The following PTK6 variants were observed in gnomAD, a reference collection of about 807,000 sequenced individuals.
PTK6 encodes the protein protein-tyrosine kinase 6.
Under a neutral mutation model 47.5 loss-of-function variants are expected in PTK6, and 47 were observed. The ratio of observed to expected loss-of-function variants is 0.99; its 90% CI spans 0.78 to 1.26. The LOEUF (loss-of-function observed/expected upper bound fraction) is 1.26. Ranked by LOEUF, PTK6 falls within the 50% of genes most tolerant of loss-of-function variation. PTK6 has a pLI of 0.00. For synonymous variants in PTK6, 287 were observed against 276.5 expected (o/e 1.04, Z -0.38); for missense variants, 618 against 625.3 (o/e 0.99, Z 0.12).
rs2082640327 is a variant in PTK6, at chr20:63,533,364, C to T, written c.670+187G>A. Among the ~76,000 whole-genome samples, 1 of 152,156 alleles carries T rather than the reference C, an allele frequency of 6.6e-6. No homozygotes were observed. The highest frequency in any genetic ancestry group is 2.1e-4 in the South Asian group (1 of 4,830). On this transcript the variant is annotated intron_variant, in intron 4 of 7. Transcript: ENST00000542869. This position sits in a 1 kb window ranked among gnomAD's most constrained non-coding sequence, Gnocchi z 4.0. ...TACAGATGTGAGCCACCGTGCCCGG[C>T]CTAAAATTTTCTTTTATAATAAATG...
At chr20:63,536,304 G>A (rs1307848732) in intron 1 of PTK6, among the ~76,000 whole-genome samples, 1 of 144,684 alleles carries the variant, frequency 6.9e-6, no homozygotes, top group African/African-American at 2.6e-5. Context: ...CACTAACGAG[G>A]TCGTGGGTCT....
In PTK6 at chr20:63,534,270, G is replaced by T; in HGVS notation, c.398C>A (p.Ala133Asp). 6.2e-7 allele frequency: 1 copy of T among 1,608,554 alleles called. No homozygotes were observed. The highest frequency in any genetic ancestry group is 8.5e-7 in the Non-Finnish European group (1 of 1,178,612). ...CTCGTTCAGGTGCAGCCGGCCCCCGGCACGCCGCCAGATCTTGTAGTGCCG... is the reference window on the plus strand; with the variant it reads ...CTCGTTCAGGTGCAGCCGGCCCCCGTCACGCCGCCAGATCTTGTAGTGCCG... Reference protein sequence around the residue: ...AVRHYKIWRRAGGRLHLNEAV... With the variant: ...AVRHYKIWRRDGGRLHLNEAV... The change falls in exon 3 of 8, where the codon GCC becomes GAC. Residue 133 changes from alanine to aspartate, a missense_variant. Physicochemically the swap from Ala to Asp is moderately radical, Grantham distance 126. Transcript: ENST00000542869.
intron 1 of PTK6, among the ~76,000 whole-genome samples, 168 bp downstream of exon 1, chr20:63,536,917 G>T (rs1299457149): frequency 6.6e-6 from 1 of 152,252 alleles, no homozygotes; most frequent in Non-Finnish European, 1.5e-5. Flanking sequence ...AGCGCATGGG[G>T]CCTGCAGGGA....
intron 5 of PTK6, among the ~76,000 whole-genome samples, chr20:63,531,687 A>G (rs1458426776): frequency 6.6e-6 from 1 of 151,386 alleles, no homozygotes; most frequent in Non-Finnish European, 1.5e-5. Flanking sequence ...GAAGTTTGTG[A>G]TGACGCGGGA....
In PTK6 at chr20:63,532,534, A is replaced by T; in HGVS notation, c.824T>A (p.Leu275Gln). The T allele has an allele frequency of 6.2e-7, 1 of 1,610,892 alleles. No homozygotes were observed. The highest frequency in any genetic ancestry group is 8.5e-7 in the Non-Finnish European group (1 of 1,177,834). The change falls in exon 5 of 8, where the codon CTG becomes CAG. Residue 275 changes from leucine (L) to glutamine (Q), a missense_variant. Physicochemically the swap from Leu to Gln is moderately radical, Grantham distance 113. Transcript: ENST00000542869. ...ELMAKGSLLE[L>Q]LRDSDEKVLP... Reference sequence around the variant, plus strand: ...CGGCCCATGCCACTCACCGCGGAGCAGCTCCAGCAGGCTGCCCTTGGCCAT... The same window carrying T: ...CGGCCCATGCCACTCACCGCGGAGCTGCTCCAGCAGGCTGCCCTTGGCCAT...
At chr20:63,535,129 C>A in intron 1 of PTK6, 70 bp from the exon 2 acceptor site, 1 of 1,495,856 alleles carries the variant, frequency 6.7e-7, no homozygotes, top group South Asian at 1.3e-5. Context: ...TGGCCCCAGC[C>A]TGCCCGCCTG....
In PTK6 at chr20:63,528,036, C is replaced by T. The variant is rs2082588640; in HGVS notation, c.*1500G>A. 1 of 152,230 alleles carries T rather than the reference C, an allele frequency of 6.6e-6. No individual in the cohort carries two copies. Among genetic ancestry groups the T allele is most frequent in the South Asian group, 2.1e-4 (1 of 4,830 alleles). The allele number at this position is 152,230 out of a possible 1,614,324, so 9.4% of individuals were successfully genotyped here. ...ATGAGAGTTTATTATATTCGTGACA[C>T]GGTTGGCAAGGAAACTTGGTTATTT... On this transcript the variant is annotated 3_prime_UTR_variant, in exon 8 of 8. Coordinates refer to ENST00000542869, the MANE Select transcript of PTK6 (RefSeq NM_005975.4).
chr20:63,533,772 C>A lies in PTK6; in HGVS notation c.517-68G>T. ...AGGAAGTGCCAGTCTGAAGCCAGCA[C>A]AGGGAGCCTGGATTTAGCCTCAGAT... On this transcript the variant is annotated intron_variant, in intron 3 of 7. Coordinates refer to ENST00000542869, the MANE Select transcript of PTK6 (RefSeq NM_005975.4). This position sits in a 1 kb window ranked among gnomAD's most constrained non-coding sequence, Gnocchi z 4.0. The A allele has an allele frequency of 6.5e-7, 1 of 1,541,784 alleles. No homozygotes were observed. The highest frequency in any genetic ancestry group is 8.7e-7 in the Non-Finnish European group (1 of 1,145,352).
chr20:63,532,483 GC>G, intron 5 of PTK6, 42 bp downstream of exon 5: 1 of 1,571,402 alleles, frequency 6.4e-7, no homozygotes. Flanking sequence ...TTCCTCACGT[GC>G]CCCCGCTGCC....
In PTK6 at chr20:63,533,147, A is replaced by T. The variant is rs775312883; in HGVS notation, c.670+404T>A. ...CAATGGCGCGATCTCAGCTCACTGC[A>T]ATCTCCGCCTCCTGGGTTGAAGCGA... On this transcript the variant is annotated intron_variant, in intron 4 of 7. Coordinates refer to ENST00000542869, the MANE Select transcript of PTK6 (RefSeq NM_005975.4). The surrounding 1 kb of genome is among the most constrained non-coding windows in gnomAD (Gnocchi z 4.0). 3.3e-5 allele frequency among the ~76,000 whole-genome samples: 5 copies of T among 150,118 alleles called. No homozygotes were observed. The highest frequency in any genetic ancestry group is 2.0e-4 in the Admixed American group (3 of 15,048).
In PTK6 at chr20:63,529,818, C is replaced by A. The variant is rs1204295008; in HGVS notation, c.1169-95G>T. On this transcript the variant is annotated intron_variant, in intron 7 of 7. Coordinates refer to ENST00000542869, the MANE Select transcript of PTK6 (RefSeq NM_005975.4). This position sits in a 1 kb window ranked among gnomAD's most constrained non-coding sequence, Gnocchi z 5.6. ...ATCCACTGCCCCTTCCTGGGGCCTT[C>A]CCCGCAGCCTCAGCTGCCATGCCTT... The A allele has an allele frequency of 1.5e-6, 2 of 1,334,492 alleles. No homozygotes were observed. Among genetic ancestry groups the A allele is most frequent in the Non-Finnish European group, 2.0e-6 (2 of 985,380 alleles). 82.7% of individuals were successfully genotyped at this position (1,334,492 alleles called of 1,614,324 possible).
rs200723492 is a variant in PTK6 at position 63,533,602 on chromosome 20, C to T, written c.619G>A (p.Glu207Lys). 466 of 1,613,790 alleles carry T rather than the reference C, an allele frequency of 2.9e-4. 5 individuals carry two copies. The Admixed American group carries it at 7.5e-3, about 26-fold the overall frequency. The change falls in exon 4 of 8, where the codon GAG becomes AAG. Residue 207 changes from glutamate to lysine, a missense_variant. Transcript: ENST00000542869. The surrounding 1 kb of genome is among the most constrained non-coding windows in gnomAD (Gnocchi z 4.0). ...TGGACCCGGTCTTTCCAGAGCCCCT[C>T]GAAGACCTCCCCAAAGTAGCCGGAC... ...LGSGYFGEVFEGLWKDRVQVA... is the reference protein window; with the variant it reads ...LGSGYFGEVFKGLWKDRVQVA...
At chr20:63,536,558 G>A (rs2082669473) in intron 1 of PTK6, among the ~76,000 whole-genome samples, 1 of 151,902 alleles carries the variant, frequency 6.6e-6, no homozygotes, top group South Asian at 2.1e-4. Context: ...GGAAGCCAGG[G>A]CCAGGCCACA....
At chr20:63,531,227 C>A (rs1056525559) in intron 5 of PTK6, among the ~76,000 whole-genome samples, 4 of 151,814 alleles carry the variant, frequency 2.6e-5, no homozygotes. Flanking sequence ...CGAGACCATC[C>A]TGGCTAACAC....
intron 2 of PTK6, 50 bp downstream of exon 2, chr20:63,534,888 G>A (rs896140878): frequency 2.5e-5 from 39 of 1,552,264 alleles, no homozygotes; most frequent in Non-Finnish European, 3.3e-5. Context: ...GGAGGGCTTA[G>A]AGCCAGGAGC....
chr20:63,531,475 C>T (rs550624120), intron 5 of PTK6, among the ~76,000 whole-genome samples: 7 of 138,114 alleles, frequency 5.1e-5, no homozygotes, highest in African/African-American at 1.7e-4. Flanking sequence ...ATTAGCTGGG[C>T]GTGGTGACAG....
chr20:63,529,936 T>C lies in PTK6; in HGVS notation c.1168+142A>G. Reference sequence around the variant, plus strand: ...GGCACCAGCCTGGGTGCTCAGAGAATGGTGCAGGTGTGGAGTTCAGGCGAT... The same window carrying C: ...GGCACCAGCCTGGGTGCTCAGAGAACGGTGCAGGTGTGGAGTTCAGGCGAT... On this transcript the variant is annotated intron_variant, in intron 7 of 7. Transcript: ENST00000542869. This position sits in a 1 kb window ranked among gnomAD's most constrained non-coding sequence, Gnocchi z 5.6. 1.7e-6 allele frequency: 2 copies of C among 1,163,372 alleles called. No homozygotes were observed. Among genetic ancestry groups the C allele is most frequent in the Non-Finnish European group, 2.4e-6 (2 of 842,740 alleles). The allele number at this position is 1,163,372 out of a possible 1,614,324, so 72.1% of individuals were successfully genotyped here.
At chr20:63,531,721 C>A (rs1035817492) in intron 5 of PTK6, among the ~76,000 whole-genome samples, 1 of 151,988 alleles carries the variant, frequency 6.6e-6, no homozygotes. Context: ...GAAGGACCAG[C>A]GAAGAGGCTC....
rs763378965 is a variant in PTK6, at chr20:63,533,739, C to T, written c.517-35G>A. ...GAGTCGGGGACACAGGGCAGGGGCT[C>T]ATCCTTCAGGAAGTGCCAGTCTGAA... On this transcript the variant is annotated intron_variant, in intron 3 of 7. Coordinates refer to ENST00000542869, the MANE Select transcript of PTK6 (RefSeq NM_005975.4). This position sits in a 1 kb window ranked among gnomAD's most constrained non-coding sequence, Gnocchi z 4.0. 11 of 1,586,342 alleles carry T rather than the reference C, an allele frequency of 6.9e-6. No individual in the cohort carries two copies. Among genetic ancestry groups the T allele is most frequent in the South Asian group, 1.1e-5 (1 of 88,334 alleles).
Sources: gnomAD v4.1 joint callset for allele counts (sites outside exome capture counted in the v4.1 genomes callset) on GRCh38, gnomAD v4.1.1 for gene constraint, Gnocchi (gnomAD v3.1) non-coding constraint, MANE v1.5 for transcripts, NCBI Gene and HGNC (gene_info 2026-07-23, HGNC 2026-07-21) for gene names.